Variants in CAND2 observed in about 807,000 individuals in gnomAD.
CAND2 encodes the protein cullin-associated NEDD8-dissociated protein 2.
In CAND2, 62 loss-of-function variants were observed where a neutral mutation model predicts 98.9. The ratio of observed to expected loss-of-function variants is 0.63; its 90% CI spans 0.51 to 0.77. CAND2 has a LOEUF of 0.77. CAND2 is among the 30% of genes least tolerant of loss of function. The probability of loss-of-function intolerance (pLI) is 0.00; values close to 1 mark genes in which losing one functional copy is unlikely to be tolerated. For missense variants in CAND2, 1,501 were observed against 1,655.2 expected, an observed-to-expected ratio of 0.91 and a Z score of 1.62; for synonymous variants, 770 against 731.9, an observed-to-expected ratio of 1.05 and a Z score of -0.84.
At chr3:12,820,205 C>T in intron 11 of CAND2, 24 bp downstream of exon 11, 1 of 1,574,704 alleles carries the variant, frequency 6.4e-7, no homozygotes, top group Non-Finnish European at 8.7e-7. Context: ...TCTTGCCCCT[C>T]CACCTTGTTC....
chr3:12,816,445 G>C lies in CAND2; in HGVS notation c.1513G>C (p.Gly505Arg). The C allele has an allele frequency of 6.2e-7, 1 of 1,613,894 alleles. No individual in the cohort carries two copies. The highest frequency in any genetic ancestry group is 8.5e-7 in the Non-Finnish European group (1 of 1,179,978). The stretch of plus-strand genomic sequence containing the variant: ...GATGGATGCCCTGGCCTTCTTGCAG[G>C]GGCTGCTGGGCACCGAACCAGCTGA... ...IRMDALAFLQ[G>R]LLGTEPAEAF... Residue 505 changes from glycine to arginine, a missense_variant, in exon 10 of 15, where the codon GGG becomes CGG. By Grantham distance (125) the Gly-to-Arg change is moderately radical (BLOSUM62 -2). Coordinates refer to ENST00000456430, the MANE Select transcript of CAND2 (RefSeq NM_001162499.2).
At chr3:12,797,660 G>T (rs2061736186) in intron 1 of CAND2, among the ~76,000 whole-genome samples, 1 of 152,176 alleles carries the variant, frequency 6.6e-6, no homozygotes, top group Non-Finnish European at 1.5e-5. Flanking sequence ...GCCAGTTCTG[G>T]CCCCTCCAGC....
chr3:12,825,779 GT>G, intron 12 of CAND2, 140 bp downstream of exon 12: 1 of 878,160 alleles, frequency 1.1e-6, no homozygotes, highest in Non-Finnish European at 1.7e-6. Flanking sequence ...ACTCCGAGCT[GT>G]GGGACCCCAG....
chr3:12,813,540 A>C, intron 7 of CAND2, 152 bp downstream of exon 7: 1 of 686,740 alleles, frequency 1.5e-6, no homozygotes, highest in South Asian at 2.0e-5. Flanking sequence ...GACTGCACAG[A>C]CCACAGTAAT....
intron 4 of CAND2, 154 bp from the exon 5 acceptor site, chr3:12,809,901 ATAAT>A: frequency 2.6e-6 from 2 of 780,620 alleles, no homozygotes; most frequent in Non-Finnish European, 3.7e-6. Context: ...AGTAATTAAA[ATAAT>A]TCCTCCTCAC....
chr3:12,808,406 TA>T, intron 4 of CAND2, 73 bp downstream of exon 4: 1 of 1,486,700 alleles, frequency 6.7e-7, no homozygotes, highest in Non-Finnish European at 9.2e-7. Flanking sequence ...ATCACAGAGC[TA>T]GCACCTACTG....
chr3:12,803,397 A>T, intron 1 of CAND2, 91 bp from the exon 2 acceptor site: 1 of 1,250,518 alleles, frequency 8.0e-7, no homozygotes, highest in Non-Finnish European at 1.1e-6. Flanking sequence ...TCTTTGTATT[A>T]AGGTCTACTT....
rs776741858 is a variant in CAND2, at chr3:12,817,530, C to T, written c.2598C>T (p.Leu866=). The change falls in exon 10 of 15, where the codon CTC becomes CTT. Residue 866 remains leucine, a synonymous_variant. Coordinates refer to ENST00000456430, the MANE Select transcript of CAND2 (RefSeq NM_001162499.2). ...ACCAGCGGGAGCTGAAGGCGGTGCT[C>T]CTGGAAGCTTTGGGGTCACCCAGTG... ...PGHQRELKAV[L]LEALGSPSED... is the part of the protein sequence containing the mutation. 3.7e-5 allele frequency: 59 copies of T among 1,613,666 alleles called. No homozygotes were observed. In the Admixed American group the frequency reaches 9.0e-4, roughly 25 times the overall value.
chr3:12,819,079 T>A (rs2061933527), intron 10 of CAND2, among the ~76,000 whole-genome samples: 2 of 152,210 alleles, frequency 1.3e-5, no homozygotes, highest in African/African-American at 4.8e-5. Context: ...TCTCTGTACA[T>A]CTTCCTGCTA....
chr3:12,805,181 C>G (rs931066785), intron 2 of CAND2, among the ~76,000 whole-genome samples: 6 of 152,110 alleles, frequency 3.9e-5, no homozygotes, highest in Admixed American at 2.6e-4. Context: ...AAGCCTGCAT[C>G]TACACGTGAA....
At chr3:12,800,304 C>T (rs2061756522) in intron 1 of CAND2, among the ~76,000 whole-genome samples, 1 of 152,224 alleles carries the variant, frequency 6.6e-6, no homozygotes, top group Admixed American at 6.5e-5. Context: ...CTGTGGGCTG[C>T]AGTGACATCT....
chr3:12,798,054 C>T (rs1200071637), intron 1 of CAND2, among the ~76,000 whole-genome samples: 2 of 151,982 alleles, frequency 1.3e-5, no homozygotes, highest in Non-Finnish European at 2.9e-5. Context: ...CATGAGTCTC[C>T]CTGTGCTTCT....
rs1400623468 is a variant in CAND2, at chr3:12,816,625, C to A, written c.1693C>A (p.Pro565Thr). The A allele has an allele frequency of 1.2e-6, 2 of 1,613,908 alleles. No homozygotes were observed. The highest frequency in any genetic ancestry group is 1.7e-6 in the Non-Finnish European group (2 of 1,180,040). The change falls in exon 10 of 15, where the codon CCA becomes ACA. Residue 565 changes from proline to threonine, a missense_variant. Pro to Thr is a conservative substitution (Grantham distance 38). Around this residue, in one of 3 missense-constraint regions of CAND2, gnomAD observed 1,427 missense variants for 1,545.3 expected, o/e 0.92. Transcript: ENST00000456430. ...CAGGCCTCGGATGCTGGATCCTGAG[C>A]CATATGTTGGAGAGATGTCTGCTGT... is the stretch of plus-strand genomic sequence containing the variant. The part of the protein sequence containing the change: ...LHRPRMLDPE[P>T]YVGEMSAVTL...
chr3:12,825,508 G>T lies in CAND2; in HGVS notation c.3079G>T (p.Val1027Leu). Reference protein sequence around the residue: ...MESLQDPDLNVRRATLAFFNS... With the variant: ...MESLQDPDLNLRRATLAFFNS... ...GAGCCTGCAGGACCCAGACCTGAAC[G>T]TGCGCCGTGCGACTCTGGCTTTCTT... Residue 1027 changes from valine to leucine, a missense_variant, in exon 12 of 15, where the codon GTG becomes TTG. Around this residue, in one of 3 missense-constraint regions of CAND2, gnomAD observed 1,427 missense variants for 1,545.3 expected, o/e 0.92. Coordinates refer to ENST00000456430, the MANE Select transcript of CAND2 (RefSeq NM_001162499.2). The T allele has an allele frequency of 6.3e-7, 1 of 1,577,664 alleles. No homozygotes were observed. The highest frequency in any genetic ancestry group is 8.6e-7 in the Non-Finnish European group (1 of 1,161,046).
intron 2 of CAND2, among the ~76,000 whole-genome samples, chr3:12,804,633 T>G (rs562221887): frequency 2.4e-3 from 370 of 152,146 alleles, no homozygotes; most frequent in African/African-American, 8.6e-3. Context: ...GCTTGTGTGG[T>G]AGGGTCATTC....
At chr3:12,823,545 A>G (rs978030934) in intron 11 of CAND2, among the ~76,000 whole-genome samples, 8 of 152,202 alleles carry the variant, frequency 5.3e-5, no homozygotes, top group South Asian at 2.1e-4. Flanking sequence ...TGGCTAACAC[A>G]GTGAAACCCC....
At chr3:12,818,093 G>A (rs9882781) in intron 10 of CAND2, among the ~76,000 whole-genome samples, 2,997 of 152,314 alleles carry the variant, frequency 0.02, 94 homozygotes, top group African/African-American at 0.068. Context: ...AAGGGACAGA[G>A]TCCTTGATTG....
chr3:12,816,332 A>C, intron 9 of CAND2, 42 bp from the exon 10 acceptor site: 2 of 1,558,876 alleles, frequency 1.3e-6, no homozygotes, highest in Non-Finnish European at 8.7e-7. Context: ...GCCGTGTTGC[A>C]TCAGAGGCGG....
intron 1 of CAND2, among the ~76,000 whole-genome samples, chr3:12,801,075 TTACCCAGGCTGGAGTGCAGTGGCACG>T (rs2061763110): frequency 6.8e-6 from 1 of 146,918 alleles, no homozygotes; most frequent in African/African-American, 2.5e-5. Context: ...ACTCGCACTG[TTACCCAGGCTGGAGTGCAGTGGCACG>T]ATCTCAGCTC....
Sources: gnomAD v4.1 joint callset for allele counts (sites outside exome capture counted in the v4.1 genomes callset) on GRCh38, gnomAD v4.1.1 for gene constraint, gnomAD v4.1.1 regional missense constraint, MANE v1.5 for transcripts, NCBI Gene and HGNC (gene_info 2026-07-23, HGNC 2026-07-21) for gene names.